ADAMTSL1: variants seen among roughly 807,000 people sequenced by gnomAD.
ADAMTSL1 encodes ADAMTS like 1.
ADAMTSL1 carries 126 observed loss-of-function variants against 201.8 expected under a neutral mutation model. That is an observed-to-expected ratio of 0.62 (90% CI 0.54 to 0.72). The LOEUF is 0.72. Among genes scored for constraint, ADAMTSL1 ranks in the 30% least tolerant of loss-of-function variants. The probability of loss-of-function intolerance (pLI) is 0.00; values close to 1 mark genes in which losing one functional copy is unlikely to be tolerated. For synonymous variants in ADAMTSL1, 1,121 were observed against 903.4 expected (o/e 1.24, Z -4.32); for missense variants, 2,679 against 2,277.8 (o/e 1.18, Z -3.59).
chr9:18,784,926 G>A (rs1477709737), intron 19 of ADAMTSL1, among the ~76,000 whole-genome samples: 1 of 152,204 alleles, frequency 6.6e-6, no homozygotes, highest in Non-Finnish European at 1.5e-5. Flanking sequence ...ATCACTTTGG[G>A]AGGCCGAGGT....
At chr9:18,142,842 G>A (rs1012108010) in intron 1 of ADAMTSL1, among the ~76,000 whole-genome samples, 1 of 152,212 alleles carries the variant, frequency 6.6e-6, no homozygotes, top group Admixed American at 6.5e-5. Flanking sequence ...GAATGAGGCA[G>A]GGATAGAGTT....
At chr9:18,662,733 G>C (rs1829180339) in intron 9 of ADAMTSL1, among the ~76,000 whole-genome samples, 1 of 152,176 alleles carries the variant, frequency 6.6e-6, no homozygotes, top group Admixed American at 6.5e-5. Context: ...ATTATCTGCA[G>C]GGTCAAGAAT....
chr9:18,649,030 A>C (rs1412027086), intron 7 of ADAMTSL1, among the ~76,000 whole-genome samples: 7 of 152,300 alleles, frequency 4.6e-5, no homozygotes, highest in Non-Finnish European at 1.0e-4. Context: ...TACACCAATC[A>C]GACGCAGATT....
intron 4 of ADAMTSL1, among the ~76,000 whole-genome samples, chr9:18,580,094 C>T (rs1823000309): frequency 6.6e-6 from 1 of 152,068 alleles, no homozygotes; most frequent in African/African-American, 2.4e-5. Flanking sequence ...CATGAATCTG[C>T]ATATTTATAA....
intron 13 of ADAMTSL1, among the ~76,000 whole-genome samples, chr9:18,703,907 A>G (rs1385861330): frequency 6.6e-6 from 1 of 151,732 alleles, no homozygotes; most frequent in Non-Finnish European, 1.5e-5. Flanking sequence ...CTAAGAGTCT[A>G]GTTTGTGCAT....
At chr9:18,735,972 C>G (rs1258626399) in intron 15 of ADAMTSL1, among the ~76,000 whole-genome samples, 1 of 151,702 alleles carries the variant, frequency 6.6e-6, no homozygotes, top group South Asian at 2.1e-4. Context: ...GCCTCAACTT[C>G]CACCCTAGAC....
At chr9:17,934,766 A>C (rs1352735052) in intron 1 of ADAMTSL1, among the ~76,000 whole-genome samples, 2 of 152,040 alleles carry the variant, frequency 1.3e-5, no homozygotes, top group African/African-American at 4.8e-5. Flanking sequence ...ACATATCTCC[A>C]GTTGTGATGG....
chr9:18,348,771 C>T (rs1586940925), intron 2 of ADAMTSL1, among the ~76,000 whole-genome samples: 1 of 152,040 alleles, frequency 6.6e-6, no homozygotes, highest in South Asian at 2.1e-4. Flanking sequence ...TTCCATTGAA[C>T]CTCAAAGTAG....
At chr9:18,613,511 A>T (rs568377148) in intron 4 of ADAMTSL1, among the ~76,000 whole-genome samples, 1 of 152,178 alleles carries the variant, frequency 6.6e-6, no homozygotes, top group South Asian at 2.1e-4. Context: ...GTAAAGAAAC[A>T]CCATGGAATA....
chr9:18,144,767 C>T (rs1283523708), intron 1 of ADAMTSL1, among the ~76,000 whole-genome samples: 1 of 152,064 alleles, frequency 6.6e-6, no homozygotes, highest in Admixed American at 6.5e-5. Flanking sequence ...CCCAAAGTCA[C>T]CCAGCTCAGA....
chr9:18,483,790 G>T (rs1821850583), intron 1 of ADAMTSL1, among the ~76,000 whole-genome samples: 1 of 152,272 alleles, frequency 6.6e-6, no homozygotes, highest in Non-Finnish European at 1.5e-5. Flanking sequence ...TTGTGCCACT[G>T]CACTCCAGCC....
At chr9:18,100,127 T>C (rs1216266444) in intron 1 of ADAMTSL1, among the ~76,000 whole-genome samples, 1 of 152,202 alleles carries the variant, frequency 6.6e-6, no homozygotes, top group Non-Finnish European at 1.5e-5. Flanking sequence ...TTTATGTAGA[T>C]TGTTACAGTT....
intron 2 of ADAMTSL1, among the ~76,000 whole-genome samples, chr9:18,460,037 C>A (rs1820750509): frequency 6.6e-6 from 1 of 152,138 alleles, no homozygotes; most frequent in African/African-American, 2.4e-5. Context: ...GGAAAACCTA[C>A]TAATGCTCTC....
chr9:18,489,032 C>G (rs1378370555), intron 1 of ADAMTSL1, among the ~76,000 whole-genome samples: 1 of 152,122 alleles, frequency 6.6e-6, no homozygotes, highest in Non-Finnish European at 1.5e-5. Flanking sequence ...CTCAGGAATT[C>G]CAAACAAAGT....
chr9:18,225,506 G>T (rs907308629), intron 2 of ADAMTSL1, among the ~76,000 whole-genome samples: 3 of 152,010 alleles, frequency 2.0e-5, no homozygotes, highest in African/African-American at 7.3e-5. Context: ...AGATATATTT[G>T]TTAAAATCCT....
At chr9:18,005,100 A>G (rs1819758430) in intron 1 of ADAMTSL1, among the ~76,000 whole-genome samples, 1 of 152,134 alleles carries the variant, frequency 6.6e-6, no homozygotes, top group Non-Finnish European at 1.5e-5. Flanking sequence ...AGCTTACGCT[A>G]TAATGAGGGC....
chr9:18,091,858 TGTGAGTGA>T (rs922621955), intron 1 of ADAMTSL1, among the ~76,000 whole-genome samples: 1 of 151,850 alleles, frequency 6.6e-6, no homozygotes, highest in African/African-American at 2.4e-5. Flanking sequence ...GCACGGGTAT[TGTGAGTGA>T]GTGAGTGAGT....
In ADAMTSL1 at chr9:18,660,873, G is replaced by A. The variant is rs999394425; in HGVS notation, c.947-1062G>A. ...GGGTGGTCTGAGAACACAGCCTTAA[G>A]CCAGGAAATCTGGCTCATAAACCTC... On this transcript the variant is annotated intron_variant, in intron 8 of 28. Transcript: ENST00000380548. 2.8e-4 allele frequency among the ~76,000 whole-genome samples: 42 copies of A among 152,122 alleles called. No homozygotes were observed. The Middle Eastern group carries it at 0.014, about 49-fold the overall frequency.
chr9:18,716,860 T>C (rs1281630837), intron 14 of ADAMTSL1, among the ~76,000 whole-genome samples: 15 of 136,450 alleles, frequency 1.1e-4, no homozygotes, highest in Admixed American at 3.2e-4. Flanking sequence ...AATGATAGAC[T>C]GGATTAAGAA....
Sources: allele counts gnomAD v4.1 joint callset (sites outside exome capture counted in the v4.1 genomes callset), GRCh38; gene constraint gnomAD v4.1.1; transcripts MANE v1.5; gene names NCBI Gene and HGNC (gene_info 2026-07-23, HGNC 2026-07-21).